TTC4: variants seen among roughly 807,000 people sequenced by gnomAD.
The protein encoded by TTC4 is tetratricopeptide repeat domain 4, also known as hsp70/Hsp90 co-chaperone CNS1 homolog.
In TTC4, 36 loss-of-function variants were observed where a neutral mutation model predicts 51.9. The observed-to-expected ratio is 0.69, with a 90% CI of 0.53 to 0.92. The LOEUF (loss-of-function observed/expected upper bound fraction) is 0.92, where lower values mean the gene tolerates loss of function less well. Among genes scored for constraint, TTC4 ranks in the 40% least tolerant of loss-of-function variants. TTC4 has a pLI of 0.00. For missense variants in TTC4, 399 were observed against 454.6 expected, an observed-to-expected ratio of 0.88 and a Z score of 1.11; for synonymous variants, 144 against 164.2, an observed-to-expected ratio of 0.88 and a Z score of 0.94.
intron 6 of TTC4, among the ~76,000 whole-genome samples, chr1:54,729,940 T>G (rs1456674629): frequency 1.3e-5 from 2 of 152,156 alleles, no homozygotes; most frequent in African/African-American, 4.8e-5. Flanking sequence ...AGGCTGGTCT[T>G]GAACTCTTGA....
chr1:54,726,773 A>C (rs1197065869), intron 5 of TTC4, among the ~76,000 whole-genome samples: 1 of 152,196 alleles, frequency 6.6e-6, no homozygotes, highest in Non-Finnish European at 1.5e-5. Context: ...GTATCAATTC[A>C]GTGTAATTTT....
In TTC4 at chr1:54,741,621, C is replaced by T; in HGVS notation, c.*108C>T. 1.1e-6 allele frequency: 1 copy of T among 944,770 alleles called. No homozygotes were observed. Among genetic ancestry groups the T allele is most frequent in the East Asian group, 2.4e-5 (1 of 41,200 alleles). The allele number at this position is 944,770 out of a possible 1,614,324, so 58.5% of individuals were successfully genotyped here. On this transcript the variant is annotated 3_prime_UTR_variant, in exon 10 of 10. Coordinates refer to ENST00000371281, the MANE Select transcript of TTC4 (RefSeq NM_004623.5). ...GAGTCCAGTGCTTTCTTTCCGTCACCCTGGGGATAGTCCTTCCTGGCATCG... is the reference window on the plus strand; with the variant it reads ...GAGTCCAGTGCTTTCTTTCCGTCACTCTGGGGATAGTCCTTCCTGGCATCG...
intron 5 of TTC4, among the ~76,000 whole-genome samples, chr1:54,724,268 C>CTTT (rs200907562): frequency 2.5e-4 from 36 of 145,244 alleles, no homozygotes; most frequent in South Asian, 2.0e-3. Context: ...AGCTTTTTTT[C>CTTT]TTTTTTTTTT....
At chr1:54,740,056 T>G (rs1412955455) in intron 9 of TTC4, among the ~76,000 whole-genome samples, 1 of 152,154 alleles carries the variant, frequency 6.6e-6, no homozygotes, top group Non-Finnish European at 1.5e-5. Flanking sequence ...GCACCTGTAG[T>G]CCTCGCTATT....
intron 5 of TTC4, among the ~76,000 whole-genome samples, chr1:54,727,067 AAAAAC>A (rs1238223756): frequency 1.2e-4 from 18 of 151,058 alleles, no homozygotes; most frequent in East Asian, 3.9e-4. Flanking sequence ...AAAAAAAAAA[AAAAAC>A]AAAATTGGAA....
chr1:54,722,909 T>C, intron 5 of TTC4, 110 bp downstream of exon 5: 1 of 1,402,948 alleles, frequency 7.1e-7, no homozygotes, highest in Non-Finnish European at 9.6e-7. Context: ...AACCCAAAAC[T>C]AGTCCCTACT....
intron 8 of TTC4, 37 bp downstream of exon 8, chr1:54,733,747 A>ATTTT (rs371403281): frequency 8.4e-5 from 67 of 799,238 alleles, no homozygotes; most frequent in South Asian, 1.1e-4. Flanking sequence ...TATGGAATTA[A>ATTTT]TTTTTTTTTT....
At chr1:54,722,395 C>G (rs928908854) in intron 4 of TTC4, among the ~76,000 whole-genome samples, 1 of 152,160 alleles carries the variant, frequency 6.6e-6, no homozygotes, top group Non-Finnish European at 1.5e-5. Context: ...TAGCCTTGAT[C>G]TATCTGGTTT....
rs1234336753 is a variant in TTC4 at position 54,732,327 on chromosome 1, A to C, written c.896+627A>C. 2.8e-5 allele frequency among the ~76,000 whole-genome samples: 4 copies of C among 144,694 alleles called. No individual in the cohort carries two copies. The Admixed American group carries it at 2.8e-4, about 10-fold the overall frequency. 94.9% of individuals were successfully genotyped at this position (144,694 alleles called of 152,430 possible). On this transcript the variant is annotated intron_variant, in intron 7 of 9. Coordinates refer to ENST00000371281, the MANE Select transcript of TTC4 (RefSeq NM_004623.5). ...CAAAGCAAGACTCTGTCTCAAAAAA[A>C]AAAAAAAATAAAAAAGAGATATATG...
At chr1:54,731,068 C>T (rs1168939772) in intron 6 of TTC4, among the ~76,000 whole-genome samples, 3 of 152,136 alleles carry the variant, frequency 2.0e-5, no homozygotes, top group Non-Finnish European at 4.4e-5. Context: ...GGCAGGTAGC[C>T]ATGTCTAGTT....
chr1:54,718,757 T>C (rs973828880), intron 3 of TTC4, among the ~76,000 whole-genome samples: 1 of 152,156 alleles, frequency 6.6e-6, no homozygotes, highest in African/African-American at 2.4e-5. Flanking sequence ...GTGACTAGTC[T>C]TGGTTATGTT....
At chr1:54,716,077 A>G in intron 1 of TTC4, 58 bp downstream of exon 1, 1 of 1,409,720 alleles carries the variant, frequency 7.1e-7, no homozygotes, top group Non-Finnish European at 9.8e-7. Flanking sequence ...CTCGTGGGGC[A>G]CCCGGGCTCT....
intron 2 of TTC4, among the ~76,000 whole-genome samples, 186 bp downstream of exon 2, chr1:54,716,903 C>T (rs1462973146): frequency 1.3e-5 from 2 of 152,182 alleles, no homozygotes; most frequent in Non-Finnish European, 2.9e-5. Flanking sequence ...GAATAAGACA[C>T]AGTTCCACCC....
chr1:54,721,229 C>T lies in TTC4; in HGVS notation c.458C>T (p.Ala153Val). ...ARKLKPCHLKAIIRGALCHLE... is the reference protein window; with the variant it reads ...ARKLKPCHLKVIIRGALCHLE... The stretch of plus-strand genomic sequence containing the variant: ...AAGCTAAAACCCTGCCACCTCAAAG[C>T]AATAATAAGAGGTAAGTCTTGTGGA... The change falls in exon 4 of 10, where the codon GCA (alanine) becomes GTA (valine). Residue 153 changes from alanine (A) to valine (V), a missense_variant. This residue lies in a region of TTC4 where 316 missense variants were observed against 349.6 expected (regional missense o/e 0.90). Transcript: ENST00000371281. 6.2e-7 allele frequency: 1 copy of T among 1,613,108 alleles called. No homozygotes were observed. Among genetic ancestry groups the T allele is most frequent in the Non-Finnish European group, 8.5e-7 (1 of 1,179,316 alleles).
chr1:54,726,394 G>A (rs1645799965), intron 5 of TTC4, among the ~76,000 whole-genome samples: 2 of 152,178 alleles, frequency 1.3e-5, no homozygotes, highest in East Asian at 1.9e-4. Context: ...AAGAGAAGTA[G>A]TAGTAAAACC....
rs768676007 is a variant in TTC4, at chr1:54,731,583, A to G, written c.779A>G (p.Asn260Ser). 2.5e-6 allele frequency: 4 copies of G among 1,614,010 alleles called. No homozygotes were observed. The highest frequency in any genetic ancestry group is 2.5e-6 in the Non-Finnish European group (3 of 1,179,992). The change falls in exon 7 of 10, where the codon AAC becomes AGC. Residue 260 changes from asparagine to serine, a missense_variant. By Grantham distance (46) the Asn-to-Ser change is conservative. Coordinates refer to ENST00000371281, the MANE Select transcript of TTC4 (RefSeq NM_004623.5). ...TTCCTGGATGGACTCAGCACTGAGAACCCCCATGGAGCCAGGCTGAGTCTA... is the reference window on the plus strand; with the variant it reads ...TTCCTGGATGGACTCAGCACTGAGAGCCCCCATGGAGCCAGGCTGAGTCTA... The part of the protein sequence containing the change: ...ELFLDGLSTE[N>S]PHGARLSLDG...
At chr1:54,728,235 C>A in intron 5 of TTC4, 111 bp from the exon 6 acceptor site, 1 of 930,712 alleles carries the variant, frequency 1.1e-6, no homozygotes, top group Non-Finnish European at 1.6e-6. Flanking sequence ...TATTCCTTAA[C>A]ACAGGAGCTT....
At position 54,730,794 on chromosome 1, in the gene TTC4, T is replaced by TC. The variant is rs200400441; in HGVS notation, c.682-692_682-691insC. Among the ~76,000 whole-genome samples the TC allele has an allele frequency of 1.7e-3, 218 of 127,374 alleles. 2 individuals are homozygous for TC. The highest frequency in any genetic ancestry group is 6.3e-3 in the African/African-American group (194 of 30,772). 83.6% of individuals were successfully genotyped at this position (127,374 alleles called of 152,430 possible). A position where few individuals can be genotyped will look rare whatever the true frequency, so the allele number is the denominator to read the frequency against. ...CTAAACTGAAATATTTGACATTTCTTTTTTTTTTTTTTTATCTTTTCTGTC... is the reference window on the plus strand; with the variant it reads ...CTAAACTGAAATATTTGACATTTCTTCTTTTTTTTTTTTTATCTTTTCTGTC... On this transcript the variant is annotated intron_variant, in intron 6 of 9. Coordinates refer to ENST00000371281, the MANE Select transcript of TTC4 (RefSeq NM_004623.5).
intron 8 of TTC4, 79 bp downstream of exon 8, chr1:54,733,789 G>C (rs1645901511): frequency 5.4e-6 from 5 of 919,938 alleles, no homozygotes; most frequent in Non-Finnish European, 7.8e-6. Flanking sequence ...GGGGGAAGCA[G>C]TCTGCTTTAT....
Sources: allele counts gnomAD v4.1 joint callset (sites outside exome capture counted in the v4.1 genomes callset), GRCh38; gene constraint gnomAD v4.1.1; regional missense constraint gnomAD v4.1.1; transcripts MANE v1.5; gene names NCBI Gene and HGNC (gene_info 2026-07-23, HGNC 2026-07-21).